ZNF385D: variants seen among roughly 807,000 people sequenced by gnomAD.
ZNF385D encodes the protein zinc finger protein 385D.
Under a neutral mutation model 35.8 loss-of-function variants are expected in ZNF385D, and 15 were observed. The observed-to-expected ratio is 0.42, with a 90% CI of 0.28 to 0.64. ZNF385D has a LOEUF of 0.64. Ranked by LOEUF, ZNF385D falls within the 30% of genes least tolerant of loss-of-function variation. The pLI is 0.23. For synonymous variants in ZNF385D, 212 were observed against 186.8 expected (o/e 1.13, Z -1.10); for missense variants, 474 against 494.6 (o/e 0.96, Z 0.39).
At chr3:21,815,200 T>G (rs551076937) in intron 3 of ZNF385D, among the ~76,000 whole-genome samples, 1 of 152,262 alleles carries the variant, frequency 6.6e-6, no homozygotes, top group East Asian at 1.9e-4. Flanking sequence ...AGAGGGGAAT[T>G]TATGGCACTA....
intron 2 of ZNF385D, among the ~76,000 whole-genome samples, chr3:22,236,261 C>G (rs1342064592): frequency 6.6e-6 from 1 of 152,036 alleles, no homozygotes; most frequent in Non-Finnish European, 1.5e-5. Context: ...ACATATATAT[C>G]TTGCTTATAT....
intron 3 of ZNF385D, among the ~76,000 whole-genome samples, chr3:22,081,501 G>A (rs1316043933): frequency 6.6e-6 from 1 of 152,144 alleles, no homozygotes; most frequent in Non-Finnish European, 1.5e-5. Context: ...TGGCTGAAGC[G>A]AGTTGAGCTA....
intron 2 of ZNF385D, among the ~76,000 whole-genome samples, chr3:22,235,583 TA>T (rs1451885740): frequency 1.3e-5 from 2 of 152,090 alleles, no homozygotes; most frequent in Non-Finnish European, 2.9e-5. Context: ...AGAGGCCTTG[TA>T]AAATATGACA....
chr3:21,421,527 T>C, intron 7 of ZNF385D, 80 bp from the exon 8 acceptor site: 1 of 938,988 alleles, frequency 1.1e-6, no homozygotes, highest in Non-Finnish European at 1.6e-6. Context: ...AGGGAGCTTT[T>C]AAAATATAGC....
At chr3:22,281,145 T>C (rs933042877) in intron 2 of ZNF385D, among the ~76,000 whole-genome samples, 1 of 152,068 alleles carries the variant, frequency 6.6e-6, no homozygotes, top group Admixed American at 6.6e-5. Context: ...GATGAGTCTT[T>C]AGGGTTTTCT....
intron 1 of ZNF385D, among the ~76,000 whole-genome samples, chr3:21,707,440 C>A (rs148584196): frequency 6.6e-6 from 1 of 152,152 alleles, no homozygotes; most frequent in African/African-American, 2.4e-5. Context: ...AAATTCGAAG[C>A]AATTGTCAAT....
intron 2 of ZNF385D, among the ~76,000 whole-genome samples, chr3:21,595,979 T>C (rs1030637010): frequency 6.6e-6 from 1 of 152,228 alleles, no homozygotes; most frequent in African/African-American, 2.4e-5. Context: ...TTAAGTCTCT[T>C]TAATCTAGAA....
At chr3:21,542,657 G>A (rs945740478) in intron 3 of ZNF385D, among the ~76,000 whole-genome samples, 14 of 152,122 alleles carry the variant, frequency 9.2e-5, no homozygotes, top group Admixed American at 2.6e-4. Flanking sequence ...AGGTGAGGGG[G>A]GTACCCTGGA....
chr3:22,027,784 T>C lies in ZNF385D; in HGVS notation c.325+141033A>G, dbSNP rs147281013. Among the ~76,000 whole-genome samples the C allele has an allele frequency of 8.0e-3, 1,211 of 152,282 alleles. 15 individuals carry two copies. Among genetic ancestry groups the C allele is most frequent in the African/African-American group, 0.028 (1,150 of 41,560 alleles). On this transcript the variant is annotated intron_variant, in intron 3 of 5. Coordinates refer to the ZNF385D transcript ENST00000494108. ...GAAAGTGGCTCAAATGCCCATGGTC[T>C]CCACTCCTGCCTTCTCTACCCCAGC...
intron 2 of ZNF385D, among the ~76,000 whole-genome samples, chr3:22,357,303 G>T (rs1013497681): frequency 6.6e-6 from 1 of 151,878 alleles, no homozygotes; most frequent in Admixed American, 6.6e-5. Context: ...AATAGCTGTG[G>T]TTGGTGGTGG....
chr3:21,979,473 C>G (rs2125364561), intron 3 of ZNF385D, among the ~76,000 whole-genome samples: 1 of 152,298 alleles, frequency 6.6e-6, no homozygotes, highest in African/African-American at 2.4e-5. Flanking sequence ...GTTACGCTGG[C>G]TCACAATAAG....
At chr3:21,561,731 A>T (rs1384699536) in intron 3 of ZNF385D, among the ~76,000 whole-genome samples, 1 of 152,172 alleles carries the variant, frequency 6.6e-6, no homozygotes, top group Admixed American at 6.5e-5. Flanking sequence ...AACACACACA[A>T]CGTTTATTAA....
intron 3 of ZNF385D, among the ~76,000 whole-genome samples, chr3:22,029,942 T>C (rs1465302110): frequency 6.6e-6 from 1 of 151,998 alleles, no homozygotes; most frequent in East Asian, 1.9e-4. Flanking sequence ...TGGATGTGTC[T>C]GTGAGGGTGT....
intron 2 of ZNF385D, among the ~76,000 whole-genome samples, chr3:22,353,127 A>T (rs191559382): frequency 6.6e-6 from 1 of 152,280 alleles, no homozygotes; most frequent in East Asian, 1.9e-4. Context: ...TATTCCTTCC[A>T]CCTCAAGCAA....
intron 3 of ZNF385D, among the ~76,000 whole-genome samples, chr3:21,976,052 G>C (rs1274419107): frequency 6.6e-6 from 1 of 152,004 alleles, no homozygotes; most frequent in Admixed American, 6.6e-5. Flanking sequence ...GCTCTAACTG[G>C]GACACCTTGA....
chr3:21,678,445 G>C (rs2066796393), intron 1 of ZNF385D, among the ~76,000 whole-genome samples: 1 of 151,962 alleles, frequency 6.6e-6, no homozygotes, highest in Admixed American at 6.6e-5. Flanking sequence ...CTTCTTTATT[G>C]ATATGTCTTA....
At chr3:22,216,922 T>A (rs748527566) in intron 2 of ZNF385D, among the ~76,000 whole-genome samples, 1 of 152,136 alleles carries the variant, frequency 6.6e-6, no homozygotes, top group African/African-American at 2.4e-5. Context: ...TGAAGATGAG[T>A]GAGCCACAAA....
chr3:21,561,741 A>G (rs2062955021), intron 3 of ZNF385D, among the ~76,000 whole-genome samples: 1 of 152,230 alleles, frequency 6.6e-6, no homozygotes, highest in African/African-American at 2.4e-5. Flanking sequence ...ACGTTTATTA[A>G]TTAAATTTAC....
At chr3:22,274,749 T>C (rs1289445543) in intron 2 of ZNF385D, among the ~76,000 whole-genome samples, 1 of 151,576 alleles carries the variant, frequency 6.6e-6, no homozygotes, top group Non-Finnish European at 1.5e-5. Context: ...TCCAGTCAAA[T>C]AAATATTGCG....
Sources: allele counts gnomAD v4.1 joint callset (sites outside exome capture counted in the v4.1 genomes callset), GRCh38; gene constraint gnomAD v4.1.1; transcripts MANE v1.5; gene names NCBI Gene and HGNC (gene_info 2026-07-23, HGNC 2026-07-21).